The following CNTNAP5 variants were observed in gnomAD, a reference collection of about 807,000 sequenced individuals.
CNTNAP5 encodes contactin-associated protein-like 5.
Under a neutral mutation model 150.2 loss-of-function variants are expected in CNTNAP5, and 72 were observed. The ratio of observed to expected loss-of-function variants is 0.48; its 90% CI spans 0.40 to 0.58. The LOEUF is 0.58. CNTNAP5 is among the 20% of genes least tolerant of loss of function. The pLI, the probability that CNTNAP5 is intolerant of heterozygous loss-of-function variation, is 0.00. For synonymous variants in CNTNAP5, 672 were observed against 619.8 expected (o/e 1.08, Z -1.25); for missense variants, 1,636 against 1,626.2 (o/e 1.01, Z -0.10).
chr2:124,280,537 AGT>A (rs1687987393), intron 3 of CNTNAP5, among the ~76,000 whole-genome samples: 1 of 152,046 alleles, frequency 6.6e-6, no homozygotes, highest in African/African-American at 2.4e-5. Context: ...CGTTGTATAG[AGT>A]GAGATTTTGC....
intron 1 of CNTNAP5, among the ~76,000 whole-genome samples, chr2:124,204,422 T>G (rs1573833594): frequency 1.3e-5 from 2 of 152,308 alleles, no homozygotes; most frequent in African/African-American, 4.8e-5. Context: ...CCCTCCGAAC[T>G]GTTCCAACCT....
intron 12 of CNTNAP5, among the ~76,000 whole-genome samples, chr2:124,623,598 A>G (rs1179766676): frequency 6.6e-6 from 1 of 152,226 alleles, no homozygotes; most frequent in Non-Finnish European, 1.5e-5. Context: ...CACATAGTCA[A>G]TTGAATGAGT....
chr2:124,766,157 C>G (rs970460500), intron 16 of CNTNAP5, among the ~76,000 whole-genome samples: 1 of 151,988 alleles, frequency 6.6e-6, no homozygotes. Flanking sequence ...ATGCAGCACA[C>G]TTTTTATTGC....
intron 19 of CNTNAP5, among the ~76,000 whole-genome samples, chr2:124,799,548 G>T (rs552719655): frequency 1.1e-3 from 167 of 152,356 alleles, no homozygotes; most frequent in African/African-American, 3.9e-3. Context: ...ATGCCACTGA[G>T]TTTCTGCACG....
chr2:124,568,421 A>G (rs1696079359), intron 11 of CNTNAP5, among the ~76,000 whole-genome samples: 1 of 152,144 alleles, frequency 6.6e-6, no homozygotes, highest in Non-Finnish European at 1.5e-5. Flanking sequence ...TGCCTGGCTC[A>G]AAAAAAGAAA....
intron 3 of CNTNAP5, among the ~76,000 whole-genome samples, chr2:124,279,022 G>A (rs74989293): frequency 6.6e-6 from 1 of 152,094 alleles, no homozygotes. Context: ...ACCTGAACAA[G>A]ACAGGTTCTA....
intron 1 of CNTNAP5, among the ~76,000 whole-genome samples, chr2:124,189,114 T>G (rs990763478): frequency 1.3e-5 from 2 of 152,204 alleles, no homozygotes; most frequent in Non-Finnish European, 2.9e-5. Flanking sequence ...TTGTTATTTT[T>G]AATTTTAGTT....
chr2:124,627,853 C>G (rs1677761900), intron 12 of CNTNAP5, among the ~76,000 whole-genome samples: 1 of 152,116 alleles, frequency 6.6e-6, no homozygotes, highest in Non-Finnish European at 1.5e-5. Context: ...CTAGAATAAC[C>G]AGTTTAGAGA....
At chr2:124,520,023 A>G (rs1193197530) in intron 8 of CNTNAP5, among the ~76,000 whole-genome samples, 3 of 152,208 alleles carry the variant, frequency 2.0e-5, no homozygotes, top group African/African-American at 7.2e-5. Flanking sequence ...ATGTACATTA[A>G]AAAACACTGA....
At chr2:124,708,528 C>T (rs373122738) in intron 13 of CNTNAP5, among the ~76,000 whole-genome samples, 22 of 151,928 alleles carry the variant, frequency 1.4e-4, no homozygotes, top group Middle Eastern at 3.4e-3. Context: ...CAAACAAAGG[C>T]GGAAAATGTA....
intron 6 of CNTNAP5, among the ~76,000 whole-genome samples, chr2:124,469,768 C>T (rs923489693): frequency 9.9e-5 from 15 of 152,108 alleles, no homozygotes; most frequent in African/African-American, 3.4e-4. Context: ...TGGTTCACCT[C>T]CCTGTGCCCA....
chr2:124,620,460 C>T (rs1677587572), intron 12 of CNTNAP5, among the ~76,000 whole-genome samples: 1 of 152,086 alleles, frequency 6.6e-6, no homozygotes, highest in African/African-American at 2.4e-5. Context: ...TGCTCAACCT[C>T]TCTCCAAGTT....
intron 3 of CNTNAP5, among the ~76,000 whole-genome samples, chr2:124,364,193 G>C (rs1690302473): frequency 6.6e-6 from 1 of 152,114 alleles, no homozygotes; most frequent in Non-Finnish European, 1.5e-5. Flanking sequence ...ACTCTCTCCA[G>C]CCACATTGGC....
At chr2:124,464,623 A>G (rs1482234028) in intron 6 of CNTNAP5, among the ~76,000 whole-genome samples, 1 of 152,212 alleles carries the variant, frequency 6.6e-6, no homozygotes, top group African/African-American at 2.4e-5. Context: ...ACCCTGGGCA[A>G]GATTTGGAAA....
rs1040702762 is a variant in CNTNAP5 at position 124,918,773 on chromosome 2, A to G, written c.*4485A>G. Among the ~76,000 whole-genome samples, 5 of 152,086 alleles carry G rather than the reference A, an allele frequency of 3.3e-5. No homozygotes were observed. Among genetic ancestry groups the G allele is most frequent in the Admixed American group, 2.6e-4 (4 of 15,256 alleles). ...GACATACTTAGTCCTCAATTATCCT[A>G]CAGGTCATGTATCGACTAAATAAAT... On this transcript the variant is annotated 3_prime_UTR_variant, in exon 24 of 24. Coordinates refer to ENST00000682447, the MANE Select transcript of CNTNAP5 (RefSeq NM_001367498.1).
At chr2:124,753,602 A>G (rs1680776877) in intron 14 of CNTNAP5, among the ~76,000 whole-genome samples, 1 of 152,318 alleles carries the variant, frequency 6.6e-6, no homozygotes, top group East Asian at 1.9e-4. Context: ...TTCATTTACC[A>G]TCATATATTC....
intron 21 of CNTNAP5, among the ~76,000 whole-genome samples, chr2:124,884,020 T>A (rs1678026929): frequency 6.6e-6 from 1 of 152,136 alleles, no homozygotes; most frequent in East Asian, 1.9e-4. Context: ...CACGTGCATA[T>A]GTGTATGCAT....
At chr2:124,393,319 T>C (rs1244090491) in intron 3 of CNTNAP5, among the ~76,000 whole-genome samples, 1 of 152,196 alleles carries the variant, frequency 6.6e-6, no homozygotes, top group Non-Finnish European at 1.5e-5. Flanking sequence ...ATTGCTCATG[T>C]GCTCTTCAAA....
At chr2:124,427,904 G>A (rs930473845) in intron 4 of CNTNAP5, among the ~76,000 whole-genome samples, 4 of 152,142 alleles carry the variant, frequency 2.6e-5, no homozygotes, top group African/African-American at 4.8e-5. Flanking sequence ...CTACTGAGAA[G>A]GCTCCTTAAC....
Sources: gnomAD v4.1 joint callset for allele counts (sites outside exome capture counted in the v4.1 genomes callset) on GRCh38, gnomAD v4.1.1 for gene constraint, MANE v1.5 for transcripts, NCBI Gene and HGNC (gene_info 2026-07-23, HGNC 2026-07-21) for gene names.